Variants in ABRAXAS2 observed in about 807,000 individuals in gnomAD.
ABRAXAS2 encodes abraxas 2, BRISC complex subunit.
Under a neutral mutation model 49.0 loss-of-function variants are expected in ABRAXAS2, and 23 were observed. The observed-to-expected ratio is 0.47, with a 90% CI of 0.34 to 0.66. The LOEUF is 0.66. Among genes scored for constraint, ABRAXAS2 ranks in the 30% least tolerant of loss-of-function variants. The pLI is 0.01. For synonymous variants in ABRAXAS2, 168 were observed against 180.2 expected, an observed-to-expected ratio of 0.93 and a Z score of 0.54; for missense variants, 443 against 511.9, an observed-to-expected ratio of 0.87 and a Z score of 1.30.
intron 1 of ABRAXAS2, among the ~76,000 whole-genome samples, chr10:124,804,040 A>G (rs1203327365): frequency 6.6e-6 from 1 of 152,184 alleles, no homozygotes; most frequent in Non-Finnish European, 1.5e-5. Flanking sequence ...ATGTATAAAC[A>G]TTCCACTTGT....
At position 124,835,126 on chromosome 10, in the gene ABRAXAS2, C is replaced by T. The variant is rs892489748; in HGVS notation, c.*155C>T. On this transcript the variant is annotated 3_prime_UTR_variant, in exon 9 of 9. Coordinates refer to ENST00000298492, the MANE Select transcript of ABRAXAS2 (RefSeq NM_032182.4). ...CACAGAACTTGTGGGAGCCTCCATC[C>T]GCTGCTCTTTACCTTTGGATACAGT... The T allele has an allele frequency of 3.6e-5, 21 of 586,036 alleles. No individual in the cohort carries two copies. The highest frequency in any genetic ancestry group is 1.3e-4 in the African/African-American group (7 of 53,466). The allele number at this position is 586,036 out of a possible 1,614,324, so 36.3% of individuals were successfully genotyped here. A position where few individuals can be genotyped will look rare whatever the true frequency, so the allele number is the denominator to read the frequency against.
chr10:124,819,353 T>C (rs1950846166), intron 3 of ABRAXAS2, 31 bp from the exon 4 acceptor site: 1 of 1,579,962 alleles, frequency 6.3e-7, no homozygotes, highest in Admixed American at 1.7e-5. Context: ...TACTATGTGG[T>C]GTTAGTACAA....
intron 2 of ABRAXAS2, among the ~76,000 whole-genome samples, chr10:124,815,842 TG>T (rs1950820695): frequency 6.6e-6 from 1 of 151,006 alleles, no homozygotes; most frequent in Admixed American, 6.6e-5. Context: ...TGGTTATTAA[TG>T]GTAGGGTGAG....
intron 2 of ABRAXAS2, among the ~76,000 whole-genome samples, chr10:124,808,956 C>A (rs1169453272): frequency 6.6e-6 from 1 of 151,924 alleles, no homozygotes; most frequent in Non-Finnish European, 1.5e-5. Flanking sequence ...CATGAAGAAA[C>A]CCCGTCTCTA....
At chr10:124,802,226 A>C (rs1950709839) in intron 1 of ABRAXAS2, among the ~76,000 whole-genome samples, 1 of 152,102 alleles carries the variant, frequency 6.6e-6, no homozygotes, top group Admixed American at 6.5e-5. Context: ...CCCCTCCCTG[A>C]AAGTCAGGCT....
In ABRAXAS2 at chr10:124,806,831, G is replaced by A; in HGVS notation, c.73G>A (p.Glu25Lys). 6.3e-7 allele frequency: 1 copy of A among 1,589,466 alleles called. No homozygotes were observed. The highest frequency in any genetic ancestry group is 8.6e-7 in the Non-Finnish European group (1 of 1,165,700). ...FHSANSNADH[E>K]GFLLGEVRQE... Reference sequence around the variant, plus strand: ...AATTATTTTCTTTAATTACTTTTAGGAAGGATTTTTACTGGGAGAGGTAAG... The same window carrying A: ...AATTATTTTCTTTAATTACTTTTAGAAAGGATTTTTACTGGGAGAGGTAAG... Residue 25 changes from glutamate (E) to lysine (K), a missense_variant and splice_region_variant, in exon 2 of 9, where the codon GAA (glutamate) becomes AAA (lysine). Transcript: ENST00000298492.
In ABRAXAS2 at chr10:124,831,146, A is replaced by G. The variant is rs74160958; in HGVS notation, c.664-203A>G. On this transcript the variant is annotated intron_variant, in intron 7 of 8. Coordinates refer to ENST00000298492, the MANE Select transcript of ABRAXAS2 (RefSeq NM_032182.4). Reference sequence around the variant, plus strand: ...GTCAAGAATTTATAAGCTAAATAGCATAATCATCTTAAAATTAAAGCAAAT... The same window carrying G: ...GTCAAGAATTTATAAGCTAAATAGCGTAATCATCTTAAAATTAAAGCAAAT... 6.9e-3 allele frequency among the ~76,000 whole-genome samples: 1,056 copies of G among 152,350 alleles called. 17 individuals are homozygous for G. The highest frequency in any genetic ancestry group is 0.024 in the African/African-American group (1,012 of 41,572).
At chr10:124,808,648 G>A (rs1424421259) in intron 2 of ABRAXAS2, among the ~76,000 whole-genome samples, 2 of 152,096 alleles carry the variant, frequency 1.3e-5, no homozygotes, top group Non-Finnish European at 2.9e-5. Flanking sequence ...GAAAATCCCC[G>A]AACTGCCCAA....
At chr10:124,802,573 A>G (rs1950713427) in intron 1 of ABRAXAS2, among the ~76,000 whole-genome samples, 1 of 152,194 alleles carries the variant, frequency 6.6e-6, no homozygotes, top group Non-Finnish European at 1.5e-5. Flanking sequence ...GGAAATGCAT[A>G]GGCTGTGAGC....
chr10:124,805,713 G>A (rs1367407863), intron 1 of ABRAXAS2, among the ~76,000 whole-genome samples: 1 of 152,192 alleles, frequency 6.6e-6, no homozygotes, highest in African/African-American at 2.4e-5. Context: ...CCTGGCAGAT[G>A]CTATTTCCAT....
intron 3 of ABRAXAS2, among the ~76,000 whole-genome samples, chr10:124,817,358 AGAGT>A (rs1358998019): frequency 3.9e-5 from 6 of 152,166 alleles, no homozygotes; most frequent in Admixed American, 3.9e-4. Flanking sequence ...TGGAGGGAAA[AGAGT>A]GAGGAAAAGA....
rs1950957215 is a variant in ABRAXAS2, at chr10:124,834,658, AC to A, written c.938del (p.Pro313GlnfsTer8). ...CCTCCTCCCCCTTACTCTGATTTTCACCCAAACAATCAAGAAAGTACTTTGA... is the reference window on the plus strand; with the variant it reads ...CCTCCTCCCCCTTACTCTGATTTTCACCAAACAATCAAGAAAGTACTTTGA... ...SDPPPPYSDFHPNNQESTLSH... is the reference protein window; with the variant it reads ...SDPPPPYSDFXPNNQESTLSH... On this transcript the variant is annotated frameshift_variant, in exon 9 of 9. Coordinates refer to ENST00000298492, the MANE Select transcript of ABRAXAS2 (RefSeq NM_032182.4). LOFTEE classifies it high-confidence loss of function. 6.2e-7 allele frequency: 1 copy of A among 1,613,934 alleles called. No homozygotes were observed. The highest frequency in any genetic ancestry group is 1.3e-5 in the African/African-American group (1 of 74,884).
At chr10:124,805,320 G>A (rs970212343) in intron 1 of ABRAXAS2, among the ~76,000 whole-genome samples, 4 of 145,186 alleles carry the variant, frequency 2.8e-5, no homozygotes, top group Admixed American at 2.1e-4. Flanking sequence ...CGGCCTGGGC[G>A]ACAGAGCGAG....
chr10:124,807,585 G>A (rs1051080670), intron 2 of ABRAXAS2, among the ~76,000 whole-genome samples: 6 of 152,060 alleles, frequency 3.9e-5, no homozygotes, highest in South Asian at 2.1e-4. Context: ...CCCGGGAGGC[G>A]GAGGTTGCAG....
intron 8 of ABRAXAS2, among the ~76,000 whole-genome samples, chr10:124,831,840 G>GTAT (rs1564925948): frequency 3.8e-5 from 4 of 106,208 alleles, no homozygotes; most frequent in Non-Finnish European, 1.8e-5. Flanking sequence ...ACTGTGTCCT[G>GTAT]TCTTTTTTTT....
At chr10:124,833,777 A>T (rs1950950006) in intron 8 of ABRAXAS2, among the ~76,000 whole-genome samples, 1 of 152,142 alleles carries the variant, frequency 6.6e-6, no homozygotes, top group African/African-American at 2.4e-5. Context: ...AATATTTTTT[A>T]AAAATTGAAA....
At chr10:124,818,322 G>A (rs753570066) in intron 3 of ABRAXAS2, among the ~76,000 whole-genome samples, 13 of 151,738 alleles carry the variant, frequency 8.6e-5, no homozygotes, top group Non-Finnish European at 1.8e-4. Context: ...CATGAACCTG[G>A]GAGGTGGAGC....
intron 4 of ABRAXAS2, among the ~76,000 whole-genome samples, chr10:124,821,894 C>G (rs952639045): frequency 6.6e-6 from 1 of 152,216 alleles, no homozygotes; most frequent in African/African-American, 2.4e-5. Context: ...CCTGGAATAA[C>G]TGAACACTTG....
chr10:124,805,946 A>G (rs1950739473), intron 1 of ABRAXAS2, among the ~76,000 whole-genome samples: 2 of 152,188 alleles, frequency 1.3e-5, no homozygotes, highest in South Asian at 4.1e-4. Context: ...TAATGAGCCA[A>G]TCAACTGTGG....
Sources: allele counts gnomAD v4.1 joint callset (sites outside exome capture counted in the v4.1 genomes callset), GRCh38; gene constraint gnomAD v4.1.1; transcripts MANE v1.5; gene names NCBI Gene and HGNC (gene_info 2026-07-23, HGNC 2026-07-21).